The following LRRN2 variants were observed in gnomAD, a reference collection of about 807,000 sequenced individuals.
The protein encoded by LRRN2 is leucine-rich repeat neuronal protein 2.
Under a neutral mutation model 35.7 loss-of-function variants are expected in LRRN2, and 10 were observed. The observed-to-expected ratio is 0.28, with a 90% CI of 0.17 to 0.47. The LOEUF is 0.47. Among genes scored for constraint, LRRN2 ranks in the 20% least tolerant of loss-of-function variants. The pLI is 0.99. For missense variants in LRRN2, 731 were observed against 940.3 expected, an observed-to-expected ratio of 0.78 and a Z score of 2.91; for synonymous variants, 391 against 409.6, an observed-to-expected ratio of 0.95 and a Z score of 0.55.
At chr1:204,660,444 A>G (rs1040009139) in intron 1 of LRRN2, among the ~76,000 whole-genome samples, 2 of 152,124 alleles carry the variant, frequency 1.3e-5, no homozygotes, top group African/African-American at 4.8e-5. Flanking sequence ...GCAGATGTCC[A>G]AAATATTTTT....
chr1:204,628,078 C>T (rs1667539010), intron 1 of LRRN2: 1 of 152,332 alleles, frequency 6.6e-6, no homozygotes, highest in Admixed American at 6.5e-5. Flanking sequence ...GACCCCCTGC[C>T]TCCTTCCTTC....
At chr1:204,651,558 A>C (rs2102609396) in intron 1 of LRRN2, among the ~76,000 whole-genome samples, 1 of 152,230 alleles carries the variant, frequency 6.6e-6, no homozygotes, top group Admixed American at 6.5e-5. Flanking sequence ...TGGGGTGACC[A>C]ACTTGTCCCC....
chr1:204,679,337 C>T (rs1283260706), intron 1 of LRRN2, among the ~76,000 whole-genome samples: 1 of 152,242 alleles, frequency 6.6e-6, no homozygotes, highest in African/African-American at 2.4e-5. Flanking sequence ...TCTGCCCTCC[C>T]AAGCCAAAGA....
intron 1 of LRRN2, among the ~76,000 whole-genome samples, chr1:204,655,769 G>T (rs544617085): frequency 6.6e-6 from 1 of 152,328 alleles, no homozygotes; most frequent in South Asian, 2.1e-4. Context: ...CAGACTGACA[G>T]ACTCACAAAT....
intron 1 of LRRN2, among the ~76,000 whole-genome samples, chr1:204,659,611 T>G (rs901781377): frequency 7.9e-4 from 23 of 29,148 alleles, no homozygotes; most frequent in African/African-American, 2.3e-3. Context: ...TACCTTCAGG[T>G]GTGTGTGTGT....
In LRRN2 at chr1:204,622,716, G is replaced by A. The variant is rs140858828; in HGVS notation, c.-226-2498C>T. ...GTCCCTGTTGTGGAACTGGATCTAT[G>A]GCCAGTAATCCTGCCACACTTACAT... is the stretch of plus-strand genomic sequence containing the variant. On this transcript the variant is annotated intron_variant, in intron 1 of 1. Coordinates refer to ENST00000367177, the MANE Select transcript of LRRN2 (RefSeq NM_201630.2). 4.1e-4 allele frequency among the ~76,000 whole-genome samples: 63 copies of A among 152,138 alleles called. 1 individual carries two copies. The South Asian group carries it at 7.5e-3, about 18-fold the overall frequency.
At chr1:204,649,804 C>A (rs1489931854) in intron 1 of LRRN2, among the ~76,000 whole-genome samples, 1 of 152,166 alleles carries the variant, frequency 6.6e-6, no homozygotes, top group Non-Finnish European at 1.5e-5. Context: ...TGCAGAGAAT[C>A]ATGGCCTCTC....
At chr1:204,631,375 C>T (rs1667700973) in intron 1 of LRRN2, among the ~76,000 whole-genome samples, 1 of 144,072 alleles carries the variant, frequency 6.9e-6, no homozygotes, top group Non-Finnish European at 1.5e-5. Context: ...GTCCTGGCCA[C>T]AAGGGAACTC....
At chr1:204,657,058 A>G (rs772752751) in intron 1 of LRRN2, among the ~76,000 whole-genome samples, 4 of 152,180 alleles carry the variant, frequency 2.6e-5, no homozygotes, top group Non-Finnish European at 5.9e-5. Flanking sequence ...TAATCCCAGC[A>G]CTTTGAGAAC....
intron 1 of LRRN2, among the ~76,000 whole-genome samples, chr1:204,685,061 C>T (rs1408984303): frequency 6.6e-6 from 1 of 152,208 alleles, no homozygotes; most frequent in Admixed American, 6.5e-5. Context: ...GCCCTCCGTC[C>T]CTCTGCCCCT....
chr1:204,665,103 A>G lies in LRRN2; in HGVS notation c.-227+20217T>C, dbSNP rs778774557. On this transcript the variant is annotated intron_variant, in intron 1 of 1. Transcript: ENST00000367177. ...ATTTCATCTTCCCAGGTGAGGTTCC[A>G]TTCTCTTTAGGAAGATAATGCTTCA... 3.9e-5 allele frequency among the ~76,000 whole-genome samples: 6 copies of G among 152,052 alleles called. 1 individual carries two copies. Among genetic ancestry groups the G allele is most frequent in the South Asian group, 4.2e-4 (2 of 4,818 alleles).
chr1:204,639,930 A>ATG (rs1667942706), intron 1 of LRRN2, among the ~76,000 whole-genome samples: 1 of 152,090 alleles, frequency 6.6e-6, no homozygotes, highest in Non-Finnish European at 1.5e-5. Context: ...ATACATACAC[A>ATG]TGTGTATATA....
intron 1 of LRRN2, among the ~76,000 whole-genome samples, chr1:204,661,743 G>A (rs1369213281): frequency 1.3e-5 from 2 of 152,196 alleles, no homozygotes; most frequent in Admixed American, 6.5e-5. Flanking sequence ...GGGAGGGTTA[G>A]AGGTTGACTA....
chr1:204,655,164 C>T (rs922498157), intron 1 of LRRN2, among the ~76,000 whole-genome samples: 4 of 152,284 alleles, frequency 2.6e-5, no homozygotes, highest in African/African-American at 7.2e-5. Flanking sequence ...GAGGTAAGTC[C>T]TCCAAGAGTG....
rs1416498774 is a variant in LRRN2 at position 204,617,297 on chromosome 1, C to T, written c.*554G>A. 6.5e-6 allele frequency: 1 copy of T among 152,982 alleles called. No homozygotes were observed. The highest frequency in any genetic ancestry group is 1.9e-4 in the East Asian group (1 of 5,200). 9.5% of individuals were successfully genotyped at this position (152,982 alleles called of 1,614,324 possible). ...TTTCTCCACAAAGGTACAAAATTGCCTATAGAAAGTCAGCTTCGGAATGCC... is the reference window on the plus strand; with the variant it reads ...TTTCTCCACAAAGGTACAAAATTGCTTATAGAAAGTCAGCTTCGGAATGCC... On this transcript the variant is annotated 3_prime_UTR_variant, in exon 2 of 2. Transcript: ENST00000367177.
At chr1:204,624,253 C>CTG (rs141427374) in intron 1 of LRRN2, among the ~76,000 whole-genome samples, 12,130 of 151,766 alleles carry the variant, frequency 0.08, 769 homozygotes, top group East Asian at 0.31. Context: ...GACACTGTTC[C>CTG]TGTGTGTGTG....
Position 204,676,305 on chromosome 1 carries a change from G to T in LRRN2, c.-227+9015C>A, listed in dbSNP as rs1668822936. ...CTTCCAAGATTCATGAACAGTCCCA[G>T]ATTGTTTAGAACAAACTCTAGATAC... is the stretch of plus-strand genomic sequence containing the variant. On this transcript the variant is annotated intron_variant, in intron 1 of 1. Transcript: ENST00000367177. Among the ~76,000 whole-genome samples the T allele has an allele frequency of 2.6e-5, 4 of 152,170 alleles. No homozygotes were observed. The South Asian group carries it at 8.3e-4, about 32-fold the overall frequency.
chr1:204,617,656 G>C lies in LRRN2; in HGVS notation c.*195C>G. 1.6e-6 allele frequency: 1 copy of C among 623,672 alleles called. No individual in the cohort carries two copies. The highest frequency in any genetic ancestry group is 2.8e-6 in the Non-Finnish European group (1 of 353,986). The allele number at this position is 623,672 out of a possible 1,614,324, so 38.6% of individuals were successfully genotyped here. On this transcript the variant is annotated 3_prime_UTR_variant, in exon 2 of 2. Transcript: ENST00000367177. The stretch of plus-strand genomic sequence containing the variant: ...CAGAATGGCAGCAGAGGTGACCCTA[G>C]GAGGTAAGGGCAACTTTTTCGAGGC...
chr1:204,685,512 G>C lies in LRRN2; in HGVS notation c.-419C>G, dbSNP rs532063807. The C allele has an allele frequency of 6.6e-6, 1 of 151,798 alleles. No homozygotes were observed. The highest frequency in any genetic ancestry group is 1.5e-5 in the Non-Finnish European group (1 of 67,938). The allele number at this position is 151,798 out of a possible 1,614,324, so 9.4% of individuals were successfully genotyped here. On this transcript the variant is annotated 5_prime_UTR_variant, in exon 1 of 2. Coordinates refer to ENST00000367177, the MANE Select transcript of LRRN2 (RefSeq NM_201630.2). ...CTGGGAGCGGCTCCAGGGCCCAGCCGGTGAGGGCGATGGCAGAATCCCAAT... is the reference window on the plus strand; with the variant it reads ...CTGGGAGCGGCTCCAGGGCCCAGCCCGTGAGGGCGATGGCAGAATCCCAAT...
Sources: allele counts gnomAD v4.1 joint callset (sites outside exome capture counted in the v4.1 genomes callset), GRCh38; gene constraint gnomAD v4.1.1; transcripts MANE v1.5; gene names NCBI Gene and HGNC (gene_info 2026-07-23, HGNC 2026-07-21).